The following GRIN2B variants were observed in gnomAD, a reference collection of about 807,000 sequenced individuals.
GRIN2B encodes glutamate ionotropic receptor NMDA type subunit 2B.
GRIN2B carries 5 observed loss-of-function variants against 114.5 expected under a neutral mutation model. The ratio of observed to expected loss-of-function variants is 0.04; its 90% CI spans 0.02 to 0.09. The LOEUF is 0.09. Ranked by LOEUF, GRIN2B falls within the 10% of genes least tolerant of loss-of-function variation. The pLI is 1.00. For synonymous variants in GRIN2B, 787 were observed against 745.1 expected (o/e 1.06, Z -0.92); for missense variants, 1,108 against 1,943.5 (o/e 0.57, Z 8.08).
chr12:13,775,972 T>A (rs571566301), intron 3 of GRIN2B, among the ~76,000 whole-genome samples: 2 of 152,148 alleles, frequency 1.3e-5, no homozygotes, highest in Admixed American at 1.3e-4. Flanking sequence ...AAGACACATG[T>A]ACACGTATGT....
chr12:13,827,786 A>G (rs1204673342), intron 3 of GRIN2B, among the ~76,000 whole-genome samples: 1 of 152,018 alleles, frequency 6.6e-6, no homozygotes, highest in Non-Finnish European at 1.5e-5. Flanking sequence ...GGTTCAAGCG[A>G]TTCTCCTGCC....
intron 4 of GRIN2B, among the ~76,000 whole-genome samples, chr12:13,706,639 A>T (rs1950362130): frequency 1.3e-5 from 2 of 152,154 alleles, no homozygotes; most frequent in Middle Eastern, 3.4e-3. Flanking sequence ...CCCATGTCTG[A>T]CCATCAAAGC....
chr12:13,784,123 C>A (rs1422140983), intron 3 of GRIN2B, among the ~76,000 whole-genome samples: 1 of 147,326 alleles, frequency 6.8e-6, no homozygotes, highest in Non-Finnish European at 1.5e-5. Flanking sequence ...ATTCAGGAGG[C>A]TGAGGCAGGA....
At chr12:13,975,345 G>A (rs1027460272) in intron 2 of GRIN2B, among the ~76,000 whole-genome samples, 14 of 152,188 alleles carry the variant, frequency 9.2e-5, no homozygotes, top group Admixed American at 1.3e-4. Flanking sequence ...TTTAATATAC[G>A]ATAAAGTTAG....
chr12:13,903,778 C>A (rs1250491891), intron 2 of GRIN2B, among the ~76,000 whole-genome samples: 1 of 151,984 alleles, frequency 6.6e-6, no homozygotes, highest in Non-Finnish European at 1.5e-5. Context: ...ATATCAGTAA[C>A]TGAGAGAAGT....
intron 2 of GRIN2B, among the ~76,000 whole-genome samples, chr12:13,911,941 C>A (rs1016503215): frequency 1.3e-5 from 2 of 152,100 alleles, no homozygotes; most frequent in African/African-American, 4.8e-5. Context: ...CCGTACTGTG[C>A]GTGCAGTGCG....
chr12:13,638,382 A>T (rs923361109), intron 5 of GRIN2B, among the ~76,000 whole-genome samples: 1 of 152,158 alleles, frequency 6.6e-6, no homozygotes, highest in Non-Finnish European at 1.5e-5. Flanking sequence ...AACCAAAACC[A>T]AGACATGTCC....
At chr12:13,809,287 G>T (rs372937362) in intron 3 of GRIN2B, among the ~76,000 whole-genome samples, 1 of 152,172 alleles carries the variant, frequency 6.6e-6, no homozygotes, top group Admixed American at 6.5e-5. Context: ...GAGACAACAA[G>T]GTGTGGTAGG....
At chr12:13,807,494 C>T (rs1864625083) in intron 3 of GRIN2B, among the ~76,000 whole-genome samples, 1 of 152,036 alleles carries the variant, frequency 6.6e-6, no homozygotes, top group Non-Finnish European at 1.5e-5. Context: ...TCTTCTAGTA[C>T]CAGTAAGTAA....
intron 5 of GRIN2B, among the ~76,000 whole-genome samples, chr12:13,627,062 C>A (rs1949576042): frequency 6.6e-6 from 1 of 151,904 alleles, no homozygotes; most frequent in African/African-American, 2.4e-5. Flanking sequence ...GTGGCATAAG[C>A]TATAATATGT....
intron 2 of GRIN2B, among the ~76,000 whole-genome samples, chr12:13,871,129 C>T (rs1188737215): frequency 6.6e-6 from 1 of 151,978 alleles, no homozygotes; most frequent in East Asian, 1.9e-4. Context: ...GACAAAAGAT[C>T]TTATTAACTA....
chr12:13,859,369 C>A (rs950225851), intron 3 of GRIN2B, among the ~76,000 whole-genome samples: 1 of 152,186 alleles, frequency 6.6e-6, no homozygotes, highest in African/African-American at 2.4e-5. Flanking sequence ...TCAATTGTTA[C>A]AAGCATTAAC....
At chr12:13,863,927 C>CT (rs1393249037) in intron 3 of GRIN2B, among the ~76,000 whole-genome samples, 1 of 152,190 alleles carries the variant, frequency 6.6e-6, no homozygotes, top group Admixed American at 6.5e-5. Context: ...TATCAGAATT[C>CT]TTTCAAAGCA....
At chr12:13,583,442 G>C (rs1948878412) in intron 10 of GRIN2B, among the ~76,000 whole-genome samples, 3 of 152,166 alleles carry the variant, frequency 2.0e-5, no homozygotes, top group Admixed American at 2.0e-4. Context: ...GAAACTATCA[G>C]AGCAAGGATT....
chr12:13,933,940 T>C lies in GRIN2B; in HGVS notation c.-19+45988A>G, dbSNP rs1867082587. Among the ~76,000 whole-genome samples the C allele has an allele frequency of 2.6e-5, 4 of 152,220 alleles. No individual in the cohort carries two copies. The South Asian group carries it at 8.3e-4, about 32-fold the overall frequency. On this transcript the variant is annotated intron_variant, in intron 2 of 13. Transcript: ENST00000609686. ...CAAGCCTTCCTCTTACCCTTCAATATCTTCTGCTCACCACCAACCTACTCA... is the reference window on the plus strand; with the variant it reads ...CAAGCCTTCCTCTTACCCTTCAATACCTTCTGCTCACCACCAACCTACTCA...
chr12:13,744,129 T>C (rs773806142), intron 4 of GRIN2B, among the ~76,000 whole-genome samples: 1 of 152,214 alleles, frequency 6.6e-6, no homozygotes, highest in Non-Finnish European at 1.5e-5. Context: ...CGACCATCCT[T>C]ACAGCCGTCA....
chr12:13,607,343 AATATAT>A (rs1565473655), intron 10 of GRIN2B, among the ~76,000 whole-genome samples: 3 of 42,662 alleles, frequency 7.0e-5, no homozygotes, highest in Non-Finnish European at 8.1e-5. Flanking sequence ...TATTATATAT[AATATAT>A]AAAATATATA....
intron 10 of GRIN2B, among the ~76,000 whole-genome samples, chr12:13,596,926 T>A (rs1949081231): frequency 6.6e-6 from 1 of 152,336 alleles, no homozygotes; most frequent in Admixed American, 6.5e-5. Flanking sequence ...TAGATTCTGT[T>A]GCCTCAGGCC....
At chr12:13,645,486 T>G (rs1480851712) in intron 5 of GRIN2B, among the ~76,000 whole-genome samples, 1 of 152,072 alleles carries the variant, frequency 6.6e-6, no homozygotes, top group Non-Finnish European at 1.5e-5. Context: ...CACAGAGACA[T>G]GAAGTGAGCA....
Sources: gnomAD v4.1 joint callset for allele counts (sites outside exome capture counted in the v4.1 genomes callset) on GRCh38, gnomAD v4.1.1 for gene constraint, MANE v1.5 for transcripts, NCBI Gene and HGNC (gene_info 2026-07-23, HGNC 2026-07-21) for gene names.